Variants in NCKAP5 observed in about 807,000 individuals in gnomAD.
NCKAP5 encodes NCK associated protein 5.
NCKAP5 carries 92 observed loss-of-function variants against 167.0 expected under a neutral mutation model. The ratio of observed to expected loss-of-function variants is 0.55; its 90% CI spans 0.47 to 0.66. The LOEUF is 0.66. NCKAP5 is among the 30% of genes least tolerant of loss of function. NCKAP5 has a pLI of 0.00. For synonymous variants in NCKAP5, 891 were observed against 877.4 expected, an observed-to-expected ratio of 1.02 and a Z score of -0.27; for missense variants, 2,378 against 2,315.0, an observed-to-expected ratio of 1.03 and a Z score of -0.56.
intron 3 of NCKAP5, among the ~76,000 whole-genome samples, chr2:133,326,007 CAAT>C (rs1488664129): frequency 6.6e-6 from 1 of 152,164 alleles, no homozygotes; most frequent in Non-Finnish European, 1.5e-5. Flanking sequence ...ACTAGAGGGC[CAAT>C]AATGATGCTG....
At chr2:133,385,863 A>G (rs1336115065) in intron 3 of NCKAP5, among the ~76,000 whole-genome samples, 1 of 152,156 alleles carries the variant, frequency 6.6e-6, no homozygotes, top group African/African-American at 2.4e-5. Flanking sequence ...CTCTGATGGT[A>G]GTTTGTATTT....
chr2:133,408,090 G>A (rs1014543679), intron 3 of NCKAP5, among the ~76,000 whole-genome samples: 3 of 152,150 alleles, frequency 2.0e-5, no homozygotes, highest in Non-Finnish European at 4.4e-5. Flanking sequence ...CTGGAATAGT[G>A]CAGTCCATTG....
chr2:132,709,179 A>T (rs957121591), intron 19 of NCKAP5, among the ~76,000 whole-genome samples: 7 of 151,940 alleles, frequency 4.6e-5, no homozygotes, highest in Admixed American at 1.3e-4. Context: ...AAGTGAATTT[A>T]AAAAAAAGTT....
chr2:133,177,001 T>A (rs2084490989), intron 5 of NCKAP5, among the ~76,000 whole-genome samples: 1 of 152,040 alleles, frequency 6.6e-6, no homozygotes, highest in Non-Finnish European at 1.5e-5. Context: ...CTAATAAAGT[T>A]AAGAAATCAG....
intron 15 of NCKAP5, among the ~76,000 whole-genome samples, chr2:132,776,469 G>A (rs2104980431): frequency 6.6e-6 from 1 of 152,274 alleles, no homozygotes; most frequent in African/African-American, 2.4e-5. Context: ...TGGCCTCTGG[G>A]GACTTATGAG....
intron 3 of NCKAP5, chr2:133,433,422 C>T (rs1690283660): frequency 6.6e-6 from 1 of 152,166 alleles, no homozygotes; most frequent in African/African-American, 2.4e-5. Flanking sequence ...GGTGATACTT[C>T]CACTGTTCCA....
At chr2:132,799,011 A>G (rs1684817727) in intron 11 of NCKAP5, among the ~76,000 whole-genome samples, 1 of 152,176 alleles carries the variant, frequency 6.6e-6, no homozygotes, top group Non-Finnish European at 1.5e-5. Flanking sequence ...CTAGGTGCAA[A>G]TAAGTAGTGG....
chr2:133,502,478 T>C (rs1401714904), intron 3 of NCKAP5, among the ~76,000 whole-genome samples: 1 of 152,172 alleles, frequency 6.6e-6, no homozygotes, highest in East Asian at 1.9e-4. Context: ...AATAGATAGA[T>C]AGATATGGAT....
Position 132,818,138 on chromosome 2 carries a change from C to G in NCKAP5, c.808-21409G>C, listed in dbSNP as rs557635260. Among the ~76,000 whole-genome samples the G allele has an allele frequency of 1.4e-3, 214 of 152,022 alleles. 1 individual carries two copies. The highest frequency in any genetic ancestry group is 4.9e-3 in the African/African-American group (203 of 41,474). ...AATTTTTGTGTTTTTTGTAGAGATG[C>G]GGTTTCGCCATGTTGCCCAGGCTGG... On this transcript the variant is annotated intron_variant, in intron 11 of 19. Transcript: ENST00000409261.
intron 3 of NCKAP5, among the ~76,000 whole-genome samples, chr2:133,418,943 C>T (rs1437358669): frequency 6.6e-6 from 1 of 152,140 alleles, no homozygotes; most frequent in African/African-American, 2.4e-5. Context: ...AAGCCTTCTA[C>T]AGAGAAAATT....
At chr2:133,588,317 C>T in the NCKAP5 span, among the ~76,000 whole-genome samples, 1 of 125,196 alleles carries the variant, frequency 8.0e-6, no homozygotes, top group Admixed American at 8.1e-5. Context: ...CTCCCTCCCC[C>T]TTCCTCCCCT....
At chr2:132,810,406 G>A (rs534990143) in intron 11 of NCKAP5, among the ~76,000 whole-genome samples, 10 of 152,260 alleles carry the variant, frequency 6.6e-5, no homozygotes, top group African/African-American at 1.4e-4. Flanking sequence ...CAGGAACACC[G>A]ATTATTCTTA....
intron 5 of NCKAP5, among the ~76,000 whole-genome samples, chr2:133,199,573 T>C (rs1219733084): frequency 1.3e-5 from 2 of 152,086 alleles, no homozygotes; most frequent in African/African-American, 2.4e-5. Flanking sequence ...CTATTTCAAA[T>C]GTTAACAACA....
chr2:133,345,398 T>C (rs1485250869), intron 3 of NCKAP5, among the ~76,000 whole-genome samples: 1 of 152,174 alleles, frequency 6.6e-6, no homozygotes, highest in East Asian at 1.9e-4. Flanking sequence ...TCCATGTTAA[T>C]ACTTACTAAC....
At chr2:132,938,672 T>C (rs1697037861) in intron 8 of NCKAP5, among the ~76,000 whole-genome samples, 1 of 152,192 alleles carries the variant, frequency 6.6e-6, no homozygotes, top group African/African-American at 2.4e-5. Context: ...CTGCTTCCTA[T>C]GGATCCCCCT....
At chr2:133,290,528 T>C (rs1463216755) in intron 4 of NCKAP5, among the ~76,000 whole-genome samples, 2 of 152,214 alleles carry the variant, frequency 1.3e-5, no homozygotes, top group Non-Finnish European at 1.5e-5. Flanking sequence ...TCTTGCTTTT[T>C]GGTTAAACAC....
chr2:133,618,725 A>T, the NCKAP5 span, among the ~76,000 whole-genome samples: 1 of 151,462 alleles, frequency 6.6e-6, no homozygotes, highest in African/African-American at 2.4e-5. Flanking sequence ...AACTAGTTCA[A>T]CCATTGTGGA....
chr2:133,071,237 G>C (rs2080383315), intron 6 of NCKAP5, among the ~76,000 whole-genome samples: 1 of 152,164 alleles, frequency 6.6e-6, no homozygotes, highest in Non-Finnish European at 1.5e-5. Context: ...TTAAGACCAA[G>C]AAAACTTACA....
At chr2:132,937,659 G>C (rs1337371011) in intron 8 of NCKAP5, among the ~76,000 whole-genome samples, 1 of 152,162 alleles carries the variant, frequency 6.6e-6, no homozygotes, top group East Asian at 1.9e-4. Context: ...ACTGAAGTTT[G>C]GGGAGAAAAA....
Sources: gnomAD v4.1 joint callset for allele counts (sites outside exome capture counted in the v4.1 genomes callset) on GRCh38, gnomAD v4.1.1 for gene constraint, MANE v1.5 for transcripts, NCBI Gene and HGNC (gene_info 2026-07-23, HGNC 2026-07-21) for gene names.